ABHD17B: variants seen among roughly 807,000 people sequenced by gnomAD.
The protein encoded by ABHD17B is abhydrolase domain containing 17B, depalmitoylase, also known as alpha/beta hydrolase domain-containing protein 17B.
ABHD17B carries 9 observed loss-of-function variants against 26.2 expected under a neutral mutation model. The ratio of observed to expected loss-of-function variants is 0.34; its 90% confidence interval spans 0.21 to 0.60. The LOEUF (loss-of-function observed/expected upper bound fraction) is 0.60. Among genes scored for constraint, ABHD17B ranks in the 20% least tolerant of loss-of-function variants. The pLI is 0.80. For missense variants in ABHD17B, 224 were observed against 352.1 expected (o/e 0.64, Z 2.91); for synonymous variants, 127 against 122.3 (o/e 1.04, Z -0.25).
intron 1 of ABHD17B, among the ~76,000 whole-genome samples, chr9:71,891,425 G>C (rs1009154306): frequency 2.6e-5 from 4 of 152,144 alleles, no homozygotes; most frequent in Admixed American, 6.5e-5. Flanking sequence ...GTTCCATGTG[G>C]AATTCCTTTT....
rs932129717 is a variant in ABHD17B at position 71,865,774 on chromosome 9, T to A, written c.*1013A>T. 4.3e-6 allele frequency: 3 copies of A among 697,876 alleles called. No homozygotes were observed. Among genetic ancestry groups the A allele is most frequent in the African/African-American group, 1.9e-5 (1 of 51,320 alleles). The allele number at this position is 697,876 out of a possible 1,614,324, so 43.2% of individuals were successfully genotyped here. The stretch of plus-strand genomic sequence containing the variant: ...TACTCAGGAGGCTGAGGCAGGAGAA[T>A]CACTTGATCCCGGGAGGCAGAGGTT... On this transcript the variant is annotated 3_prime_UTR_variant, in exon 4 of 4. Coordinates refer to ENST00000333421, the MANE Select transcript of ABHD17B (RefSeq NM_001025780.3).
chr9:71,892,087 T>C (rs944752832), intron 1 of ABHD17B, among the ~76,000 whole-genome samples: 17 of 152,204 alleles, frequency 1.1e-4, no homozygotes, highest in Non-Finnish European at 1.8e-4. Context: ...GTGAAAAGCA[T>C]AAACTGATAA....
Position 71,866,963 on chromosome 9 carries a change from G to A in ABHD17B, c.691C>T (p.His231Tyr). 6.2e-7 allele frequency: 1 copy of A among 1,614,080 alleles called. No individual in the cohort carries two copies. Among genetic ancestry groups the A allele is most frequent in the Non-Finnish European group, 8.5e-7 (1 of 1,179,996 alleles). The stretch of plus-strand genomic sequence containing the variant: ...TCAATGACTTCATCTTCAGTCCCAT[G>A]AATTATTAATACTGGAGAGGTTATC... ...SKITSPVLII[H>Y]GTEDEVIDFS... The change falls in exon 4 of 4, where the codon CAT becomes TAT. Residue 231 changes from histidine (H) to tyrosine (Y), a missense_variant. Coordinates refer to ENST00000333421, the MANE Select transcript of ABHD17B (RefSeq NM_001025780.3).
At chr9:71,878,470 C>T (rs1380284669) in intron 1 of ABHD17B, among the ~76,000 whole-genome samples, 3 of 152,074 alleles carry the variant, frequency 2.0e-5, no homozygotes, top group Non-Finnish European at 2.9e-5. Context: ...TGAAACACCT[C>T]AAAGTGTACC....
intron 1 of ABHD17B, among the ~76,000 whole-genome samples, chr9:71,908,494 T>A (rs1011082054): frequency 5.3e-5 from 8 of 151,894 alleles, no homozygotes; most frequent in Non-Finnish European, 8.8e-5. Context: ...TGAGAAATTT[T>A]AAAGAGTAGG....
chr9:71,901,025 G>A (rs982577782), intron 1 of ABHD17B, among the ~76,000 whole-genome samples: 8 of 151,980 alleles, frequency 5.3e-5, no homozygotes, highest in African/African-American at 1.7e-4. Context: ...GGTAGCGGGC[G>A]CCTGTAGTCC....
intron 1 of ABHD17B, among the ~76,000 whole-genome samples, chr9:71,886,596 T>G (rs1826619012): frequency 1.3e-5 from 2 of 152,170 alleles, no homozygotes; most frequent in Non-Finnish European, 2.9e-5. Flanking sequence ...CTCGGCTCAC[T>G]GCACCCTCCG....
At chr9:71,897,449 G>A (rs560932714) in intron 1 of ABHD17B, among the ~76,000 whole-genome samples, 15 of 152,158 alleles carry the variant, frequency 9.9e-5, no homozygotes, top group Non-Finnish European at 1.9e-4. Context: ...CCCAGGAGTC[G>A]AGGCTACAGT....
intron 1 of ABHD17B, among the ~76,000 whole-genome samples, chr9:71,876,251 CCACTTA>C (rs1826272892): frequency 6.6e-6 from 1 of 152,192 alleles, no homozygotes; most frequent in African/African-American, 2.4e-5. Context: ...CCTAACTCTA[CCACTTA>C]CCGTTTGCCA....
intron 1 of ABHD17B, among the ~76,000 whole-genome samples, chr9:71,898,370 G>T (rs1827022411): frequency 6.6e-6 from 1 of 151,684 alleles, no homozygotes; most frequent in Admixed American, 6.6e-5. Context: ...GGTGGCTCAC[G>T]CCTGTAATCC....
At chr9:71,876,628 T>C (rs1242906229) in intron 1 of ABHD17B, among the ~76,000 whole-genome samples, 2 of 150,836 alleles carry the variant, frequency 1.3e-5, no homozygotes, top group Admixed American at 1.3e-4. Context: ...AAAATCTAAA[T>C]ATAAGAATAG....
chr9:71,886,721 G>A (rs185995433), intron 1 of ABHD17B, among the ~76,000 whole-genome samples: 84 of 152,114 alleles, frequency 5.5e-4, no homozygotes, highest in Admixed American at 2.2e-3. Context: ...GGGTTTCATG[G>A]ATGAAACGGG....
chr9:71,893,699 A>T (rs1488502805), intron 1 of ABHD17B, among the ~76,000 whole-genome samples: 3 of 152,206 alleles, frequency 2.0e-5, no homozygotes, highest in African/African-American at 7.2e-5. Context: ...AGGACTGTAA[A>T]TCCCAACCCT....
At chr9:71,897,809 T>C (rs1827003284) in intron 1 of ABHD17B, among the ~76,000 whole-genome samples, 1 of 152,180 alleles carries the variant, frequency 6.6e-6, no homozygotes, top group South Asian at 2.1e-4. Context: ...ACCACTTCCT[T>C]TTCCTCTGGC....
chr9:71,886,524 G>A (rs1589222450), intron 1 of ABHD17B, among the ~76,000 whole-genome samples: 1 of 152,036 alleles, frequency 6.6e-6, no homozygotes, highest in East Asian at 1.9e-4. Context: ...ATCTGGGCAT[G>A]CCTTATGCAG....
intron 1 of ABHD17B, among the ~76,000 whole-genome samples, chr9:71,886,681 G>A (rs1441831497): frequency 6.6e-6 from 1 of 151,894 alleles, no homozygotes; most frequent in Non-Finnish European, 1.5e-5. Flanking sequence ...CACCATGTCT[G>A]GCTAATTATT....
At chr9:71,887,442 T>C (rs917206491) in intron 1 of ABHD17B, among the ~76,000 whole-genome samples, 1 of 152,206 alleles carries the variant, frequency 6.6e-6, no homozygotes, top group African/African-American at 2.4e-5. Flanking sequence ...ATGCAGTGCT[T>C]TTTATTACTT....
At chr9:71,873,319 G>A (rs1826165639) in intron 2 of ABHD17B, among the ~76,000 whole-genome samples, 1 of 151,798 alleles carries the variant, frequency 6.6e-6, no homozygotes, top group Non-Finnish European at 1.5e-5. Context: ...GCAATTTCTA[G>A]TTCCCCAAAA....
At chr9:71,871,081 T>C (rs1253788102) in intron 2 of ABHD17B, among the ~76,000 whole-genome samples, 2 of 152,218 alleles carry the variant, frequency 1.3e-5, no homozygotes, top group East Asian at 3.9e-4. Flanking sequence ...AGTACAGTGC[T>C]ACCTGAGCTA....
Sources: allele counts gnomAD v4.1 joint callset (sites outside exome capture counted in the v4.1 genomes callset), GRCh38; gene constraint gnomAD v4.1.1; transcripts MANE v1.5; gene names NCBI Gene and HGNC (gene_info 2026-07-23, HGNC 2026-07-21).